The following PIR variants were observed in gnomAD, a reference collection of about 807,000 sequenced individuals.
PIR encodes the protein pirin.
A neutral mutation model predicts 24.2 loss-of-function variants in PIR; 22 were observed. The ratio of observed to expected loss-of-function variants is 0.91; its 90% confidence interval spans 0.65 to 1.30. The LOEUF is 1.30. Among genes scored for constraint, PIR ranks in the 50% most tolerant of loss-of-function variants. PIR has a pLI of 0.00. For missense variants in PIR, 220 were observed against 220.3 expected (o/e 1.00, Z 0.01); for synonymous variants, 80 against 79.6 (o/e 1.00, Z -0.03).
chrX:15,472,823 T>C (rs1921995955), intron 3 of PIR, among the ~76,000 whole-genome samples: 1 of 112,587 alleles, frequency 8.9e-6, no homozygotes, highest in Non-Finnish European at 1.9e-5. Context: ...TTATGATGTG[T>C]TCATTTTCTC....
At chrX:15,490,617 T>C (rs1923100619) in intron 2 of PIR, among the ~76,000 whole-genome samples, 1 of 111,327 alleles carries the variant, frequency 9.0e-6, no homozygotes, top group South Asian at 3.7e-4. Flanking sequence ...TATAATCACC[T>C]TCTCTGAGAG....
chrX:15,405,182 C>T (rs1251119792), intron 7 of PIR, among the ~76,000 whole-genome samples: 1 of 111,853 alleles, frequency 8.9e-6, no homozygotes, highest in South Asian at 3.7e-4. Flanking sequence ...ATTTCTTTCC[C>T]CTTCATTCCC....
intron 6 of PIR, among the ~76,000 whole-genome samples, chrX:15,410,092 A>G (rs995959864): frequency 1.8e-5 from 2 of 110,585 alleles, no homozygotes; most frequent in Admixed American, 9.7e-5. Flanking sequence ...CTCTACTAAG[A>G]ATACAAAAAT....
intron 5 of PIR, among the ~76,000 whole-genome samples, chrX:15,434,018 A>C (rs1925640444): frequency 1.9e-5 from 1 of 53,413 alleles, no homozygotes; most frequent in Non-Finnish European, 3.4e-5. Context: ...AGGAGGAGGA[A>C]GGAGAAAGAA....
intron 6 of PIR, 43 bp from the exon 7 acceptor site, chrX:15,407,593 CCAAA>C (rs1488950295): frequency 1.0e-6 from 1 of 989,301 alleles, no homozygotes; most frequent in African/African-American, 1.9e-5. Context: ...GTCCATAATG[CCAAA>C]AGGAACAAAG....
At chrX:15,404,674 T>TC (rs2147011568) in intron 7 of PIR, among the ~76,000 whole-genome samples, 1 of 112,655 alleles carries the variant, frequency 8.9e-6, no homozygotes, top group East Asian at 2.8e-4. Flanking sequence ...ATTTTATAAG[T>TC]CAGTACATAT....
chrX:15,423,477 G>A (rs1030151287), intron 6 of PIR, among the ~76,000 whole-genome samples: 1 of 111,193 alleles, frequency 9.0e-6, no homozygotes, highest in Non-Finnish European at 1.9e-5. Flanking sequence ...TTAGCCAGGC[G>A]TGGTGGCACA....
chrX:15,425,253 G>C (rs770755903), intron 6 of PIR, among the ~76,000 whole-genome samples: 1 of 109,487 alleles, frequency 9.1e-6, no homozygotes. Flanking sequence ...AGGAGACAGG[G>C]GTGTTTTCCT....
At chrX:15,413,443 T>C (rs772653176) in intron 6 of PIR, among the ~76,000 whole-genome samples, 131 of 112,073 alleles carry the variant, frequency 1.2e-3, no homozygotes, top group Non-Finnish European at 2.1e-3. Flanking sequence ...TTAAGGATGC[T>C]GTCTGTGTCC....
intron 3 of PIR, among the ~76,000 whole-genome samples, chrX:15,477,000 T>C (rs755220565): frequency 8.9e-6 from 1 of 111,766 alleles, no homozygotes; most frequent in African/African-American, 3.2e-5. Context: ...ATGCAAAACA[T>C]AGTGTGGTAC....
intron 3 of PIR, chrX:15,464,483 T>C: frequency 1.4e-6 from 1 of 690,809 alleles, no homozygotes; most frequent in Non-Finnish European, 1.7e-6. Flanking sequence ...CCTGCTTAGG[T>C]GAACTGGGGC....
intron 3 of PIR, among the ~76,000 whole-genome samples, chrX:15,461,647 G>C (rs1285712409): frequency 9.0e-6 from 1 of 111,254 alleles, no homozygotes; most frequent in Non-Finnish European, 1.9e-5. Flanking sequence ...GCCGGGTGTG[G>C]TGGCAGGCGC....
intron 2 of PIR, among the ~76,000 whole-genome samples, chrX:15,489,320 T>C (rs1175192117): frequency 8.9e-6 from 1 of 112,537 alleles, no homozygotes; most frequent in African/African-American, 3.2e-5. Context: ...ATCCTATATA[T>C]TTTATTTTAG....
chrX:15,473,071 T>G (rs985360030), intron 3 of PIR, among the ~76,000 whole-genome samples: 17 of 112,431 alleles, frequency 1.5e-4, no homozygotes, highest in African/African-American at 5.5e-4. Context: ...ATCATCAAGA[T>G]TGTTCTATAT....
chrX:15,393,845 G>A (rs1177248054), intron 8 of PIR, among the ~76,000 whole-genome samples: 1 of 104,982 alleles, frequency 9.5e-6, no homozygotes, highest in African/African-American at 3.5e-5. Flanking sequence ...CATCAACCCC[G>A]GATGGGACCA....
intron 5 of PIR, among the ~76,000 whole-genome samples, chrX:15,431,998 T>C (rs1925525512): frequency 1.8e-5 from 2 of 110,763 alleles, no homozygotes; most frequent in Admixed American, 1.9e-4. Flanking sequence ...TAAATTTGAC[T>C]ATTAGTTTGG....
At chrX:15,395,417 G>T (rs1924098998) in intron 8 of PIR, among the ~76,000 whole-genome samples, 1 of 111,725 alleles carries the variant, frequency 9.0e-6, no homozygotes, top group Non-Finnish European at 1.9e-5. Flanking sequence ...ACTGTTATTG[G>T]ATAAAAGAAC....
intron 5 of PIR, among the ~76,000 whole-genome samples, chrX:15,455,386 C>T (rs998845939): frequency 8.9e-6 from 1 of 112,355 alleles, no homozygotes; most frequent in Non-Finnish European, 1.9e-5. Context: ...TAAAAATAAA[C>T]TTTCTGCAAT....
intron 3 of PIR, among the ~76,000 whole-genome samples, chrX:15,473,707 C>A (rs978492030): frequency 3.6e-5 from 4 of 111,083 alleles, no homozygotes. Flanking sequence ...CAGGCGCCTG[C>A]CACCACACCC....
Sources: gnomAD v4.1 joint callset for allele counts (sites outside exome capture counted in the v4.1 genomes callset) on GRCh38, gnomAD v4.1.1 for gene constraint, MANE v1.5 for transcripts, NCBI Gene and HGNC (gene_info 2026-07-23, HGNC 2026-07-21) for gene names.